The following SCARA5 variants were observed in gnomAD, a reference collection of about 807,000 sequenced individuals.
The protein encoded by SCARA5 is scavenger receptor class A member 5, also known as scavenger receptor class A, member 5 (putative).
Under a neutral mutation model 46.3 loss-of-function variants are expected in SCARA5, and 45 were observed. The observed-to-expected ratio is 0.97, with a 90% confidence interval of 0.76 to 1.24. The LOEUF (loss-of-function observed/expected upper bound fraction) is 1.24. SCARA5 is among the 50% of genes most tolerant of loss of function. The probability of loss-of-function intolerance (pLI) is 0.00; values close to 1 mark genes in which losing one functional copy is unlikely to be tolerated. For missense variants in SCARA5, 680 were observed against 689.0 expected (o/e 0.99, Z 0.15); for synonymous variants, 333 against 306.5 (o/e 1.09, Z -0.90).
At chr8:27,983,584 A>T (rs1447078487) in intron 2 of SCARA5, among the ~76,000 whole-genome samples, 1 of 152,192 alleles carries the variant, frequency 6.6e-6, no homozygotes, top group Non-Finnish European at 1.5e-5. Context: ...TGGACTTACC[A>T]CATCATTTAC....
chr8:27,917,561 C>T (rs1392129204), intron 4 of SCARA5, among the ~76,000 whole-genome samples: 2 of 152,278 alleles, frequency 1.3e-5, no homozygotes, highest in East Asian at 3.9e-4. Context: ...ACCAGGGTTT[C>T]TGGACCAGGC....
chr8:27,983,400 G>A (rs147977659), intron 2 of SCARA5, among the ~76,000 whole-genome samples: 4 of 152,296 alleles, frequency 2.6e-5, no homozygotes, highest in African/African-American at 4.8e-5. Flanking sequence ...TCTGCACTTG[G>A]ATTCCCACAT....
At chr8:27,949,756 A>G (rs56087665) in intron 3 of SCARA5, among the ~76,000 whole-genome samples, 2 of 152,320 alleles carry the variant, frequency 1.3e-5, no homozygotes, top group Non-Finnish European at 2.9e-5. Context: ...CCTGCCTGGC[A>G]GTGTCTCAGG....
intron 3 of SCARA5, among the ~76,000 whole-genome samples, chr8:27,941,785 C>T (rs1807947934): frequency 1.4e-5 from 2 of 146,088 alleles, no homozygotes; most frequent in South Asian, 2.2e-4. Context: ...AACATTTAAT[C>T]CCCATTTACA....
intron 7 of SCARA5, among the ~76,000 whole-genome samples, chr8:27,881,046 CAG>C (rs1229381299): frequency 1.3e-5 from 2 of 152,098 alleles, no homozygotes; most frequent in Non-Finnish European, 2.9e-5. Flanking sequence ...CAAAAAACAA[CAG>C]ATGCTGATAA....
chr8:27,957,317 A>T (rs549750166), intron 3 of SCARA5, among the ~76,000 whole-genome samples: 8 of 152,314 alleles, frequency 5.3e-5, no homozygotes, highest in African/African-American at 9.6e-5. Flanking sequence ...TGTGGCACTT[A>T]CACCCGGTTA....
rs115581305 is a variant in SCARA5 at position 27,902,692 on chromosome 8, C to T, written c.1153+2086G>A. 2.8e-3 allele frequency among the ~76,000 whole-genome samples: 433 copies of T among 152,264 alleles called. 3 individuals are homozygous for T. Among genetic ancestry groups the T allele is most frequent in the African/African-American group, 9.8e-3 (407 of 41,542 alleles). ...AAATGCCACGATCCTTCTCAGCTAC[C>T]TTGGCAGCATTCTGTCAGAAACCAG... On this transcript the variant is annotated intron_variant, in intron 7 of 8. Coordinates refer to ENST00000354914, the MANE Select transcript of SCARA5 (RefSeq NM_173833.6).
In SCARA5 at chr8:27,922,233, C is replaced by A; in HGVS notation, c.254G>T (p.Arg85Leu). ...GIFILAVSRP[R>L]SSPDDLKALT... ...GGCCTTCAGGTCGTCAGGGGAGCTG[C>A]GCGGCCTGGACACTGCGGAGGAGGA... Residue 85 changes from arginine (R) to leucine (L), a missense_variant, in exon 4 of 9, where the codon CGC becomes CTC. Arg to Leu is a moderately radical substitution (Grantham distance 102, BLOSUM62 -2). Transcript: ENST00000354914. 2 of 1,566,746 alleles carry A rather than the reference C, an allele frequency of 1.3e-6. No homozygotes were observed. The highest frequency in any genetic ancestry group is 2.7e-5 in the African/African-American group (2 of 73,128).
At chr8:27,989,129 CTTTTTTTTTT>C (rs34929623) in intron 1 of SCARA5, among the ~76,000 whole-genome samples, 1 of 68,312 alleles carries the variant, frequency 1.5e-5, no homozygotes, top group Non-Finnish European at 2.5e-5. Context: ...TTCTTTCTTT[CTTTTTTTTTT>C]TTTTTTTTTT....
chr8:27,953,547 G>A lies in SCARA5; in HGVS notation c.241+12867C>T, dbSNP rs575412390. 7.2e-5 allele frequency among the ~76,000 whole-genome samples: 11 copies of A among 152,340 alleles called. No individual in the cohort carries two copies. The South Asian group carries it at 2.3e-3, about 32-fold the overall frequency. ...GAAAAAAGGGAGGCTGCGATGAGAG[G>A]GGACAGTGAGTTTGGGTTTGGGCCT... is the stretch of plus-strand genomic sequence containing the variant. On this transcript the variant is annotated intron_variant, in intron 3 of 8. Coordinates refer to ENST00000354914, the MANE Select transcript of SCARA5 (RefSeq NM_173833.6).
chr8:27,912,321 C>A (rs1417316204), intron 4 of SCARA5, among the ~76,000 whole-genome samples: 1 of 152,216 alleles, frequency 6.6e-6, no homozygotes, highest in Non-Finnish European at 1.5e-5. Context: ...CTCACACTGG[C>A]ACTGTCCTCA....
Position 27,879,761 on chromosome 8 carries a change from C to G in SCARA5, c.1159G>C (p.Val387Leu). The G allele has an allele frequency of 6.2e-7, 1 of 1,612,508 alleles. No homozygotes were observed. The highest frequency in any genetic ancestry group is 1.1e-5 in the South Asian group (1 of 91,066). ...AGGCGGATCATCATCGGGGCCTCCACGCCACCTGCCGGAGCAGCCAACTGT... is the reference window on the plus strand; with the variant it reads ...AGGCGGATCATCATCGGGGCCTCCAGGCCACCTGCCGGAGCAGCCAACTGT... Reference protein sequence around the residue: ...KGDRAGDASGVEAPMMIRLVN... With the variant: ...KGDRAGDASGLEAPMMIRLVN... The change falls in exon 8 of 9, where the codon GTG (valine) becomes CTG (leucine). Residue 387 changes from valine (V) to leucine (L), a missense_variant. By Grantham distance (32) the Val-to-Leu change is conservative (BLOSUM62 1). This residue lies in a region of SCARA5 where 219 missense variants were observed against 269.5 expected (regional missense o/e 0.81). Coordinates refer to ENST00000354914, the MANE Select transcript of SCARA5 (RefSeq NM_173833.6).
chr8:27,975,041 T>C (rs1808502867), intron 2 of SCARA5, among the ~76,000 whole-genome samples: 1 of 152,130 alleles, frequency 6.6e-6, no homozygotes, highest in South Asian at 2.1e-4. Flanking sequence ...GGCTGGCCAC[T>C]GGAATGACCA....
intron 3 of SCARA5, among the ~76,000 whole-genome samples, chr8:27,942,378 A>G (rs775009196): frequency 2.6e-5 from 4 of 152,160 alleles, no homozygotes; most frequent in Non-Finnish European, 5.9e-5. Flanking sequence ...TACTTTCCAA[A>G]GAGATCCAGA....
At chr8:27,923,794 C>T (rs956913821) in intron 3 of SCARA5, among the ~76,000 whole-genome samples, 3 of 152,090 alleles carry the variant, frequency 2.0e-5, no homozygotes, top group Admixed American at 1.3e-4. Context: ...AGGATGGTCT[C>T]GATCTCTTGA....
intron 2 of SCARA5, among the ~76,000 whole-genome samples, chr8:27,969,614 GT>G (rs1383716620): frequency 2.0e-5 from 3 of 152,148 alleles, no homozygotes; most frequent in Non-Finnish European, 4.4e-5. Flanking sequence ...CCCACAGAAT[GT>G]TCAACACCAA....
intron 3 of SCARA5, among the ~76,000 whole-genome samples, chr8:27,944,548 G>A (rs1808002317): frequency 6.6e-6 from 1 of 152,072 alleles, no homozygotes; most frequent in South Asian, 2.1e-4. Flanking sequence ...CTTCTCTGTA[G>A]GTTTAACATT....
At chr8:27,886,426 C>A (rs1806896140) in intron 7 of SCARA5, among the ~76,000 whole-genome samples, 1 of 152,242 alleles carries the variant, frequency 6.6e-6, no homozygotes. Flanking sequence ...CCCCACCCAA[C>A]AAAATCTCAG....
At chr8:27,946,572 G>T (rs1290979747) in intron 3 of SCARA5, among the ~76,000 whole-genome samples, 2 of 152,154 alleles carry the variant, frequency 1.3e-5, no homozygotes, top group Non-Finnish European at 2.9e-5. Flanking sequence ...TTTAAGCCAT[G>T]CAGGCTGCGG....
Sources: allele counts gnomAD v4.1 joint callset (sites outside exome capture counted in the v4.1 genomes callset), GRCh38; gene constraint gnomAD v4.1.1; regional missense constraint gnomAD v4.1.1; transcripts MANE v1.5; gene names NCBI Gene and HGNC (gene_info 2026-07-23, HGNC 2026-07-21).